Variants in ST7L observed in about 807,000 individuals in gnomAD.
ST7L encodes suppression of tumorigenicity 7 like, also known as suppressor of tumorigenicity 7 protein-like.
A neutral mutation model predicts 72.5 loss-of-function variants in ST7L; 57 were observed. The observed-to-expected ratio is 0.79, with a 90% CI of 0.64 to 0.98. The LOEUF is 0.98. ST7L is among the 50% of genes least tolerant of loss of function. The pLI is 0.00. For synonymous variants in ST7L, 221 were observed against 240.9 expected (o/e 0.92, Z 0.77); for missense variants, 576 against 672.2 (o/e 0.86, Z 1.58).
intron 3 of ST7L, among the ~76,000 whole-genome samples, chr1:112,602,912 G>A (rs12060267): frequency 0.03 from 4,587 of 151,776 alleles, 254 homozygotes; most frequent in African/African-American, 0.1. Context: ...TAGAGACGGG[G>A]TTTCGCCATC....
At chr1:112,573,677 A>G (rs1364539435) in intron 11 of ST7L, among the ~76,000 whole-genome samples, 4 of 152,036 alleles carry the variant, frequency 2.6e-5, no homozygotes, top group African/African-American at 9.7e-5. Flanking sequence ...AAATAATTCT[A>G]ATTTTATACA....
chr1:112,574,638 G>A (rs577149894), intron 11 of ST7L, among the ~76,000 whole-genome samples: 22 of 148,706 alleles, frequency 1.5e-4, no homozygotes, highest in Middle Eastern at 3.4e-3. Context: ...CAGCCTGGGC[G>A]ACAGAACAAG....
intron 3 of ST7L, among the ~76,000 whole-genome samples, chr1:112,602,083 C>CAAAAAAA (rs71584754): frequency 1.1e-5 from 1 of 89,030 alleles, no homozygotes; most frequent in Non-Finnish European, 2.3e-5. Context: ...AAACTCCATC[C>CAAAAAAA]AAAAAAAAAA....
intron 14 of ST7L, among the ~76,000 whole-genome samples, chr1:112,530,645 C>A (rs1428863742): frequency 6.6e-6 from 1 of 152,148 alleles, no homozygotes; most frequent in Non-Finnish European, 1.5e-5. Context: ...AAACTCCTGA[C>A]CTCAGATGAT....
At chr1:112,541,743 T>A (rs988901498) in intron 14 of ST7L, 4 of 1,234,590 alleles carry the variant, frequency 3.2e-6, no homozygotes, top group African/African-American at 3.1e-5. Context: ...TCTTATATTG[T>A]ATTCTTTAAA....
intron 5 of ST7L, among the ~76,000 whole-genome samples, chr1:112,596,790 A>G (rs1383640201): frequency 2.0e-5 from 3 of 152,038 alleles, no homozygotes; most frequent in South Asian, 2.1e-4. Context: ...GGCACCCACC[A>G]TCATGCCCAG....
chr1:112,557,700 T>G (rs1437262717), intron 11 of ST7L, among the ~76,000 whole-genome samples: 1 of 152,158 alleles, frequency 6.6e-6, no homozygotes, highest in Non-Finnish European at 1.5e-5. Context: ...GGATTTGACT[T>G]GATATTTACA....
intron 12 of ST7L, among the ~76,000 whole-genome samples, chr1:112,553,127 T>C (rs961389165): frequency 2.6e-5 from 4 of 152,092 alleles, no homozygotes; most frequent in African/African-American, 9.7e-5. Context: ...ATATCTGCTT[T>C]TGAGGAGCTT....
At position 112,559,191 on chromosome 1, in the gene ST7L, T is replaced by C. The variant is rs575218723; in HGVS notation, c.1246-3173A>G. On this transcript the variant is annotated intron_variant, in intron 11 of 14. Transcript: ENST00000358039. ...TAAGCAAAGATATTCAGTTAACAAT[T>C]ATTAAGTAAAGCTTATATTACAAAA... Among the ~76,000 whole-genome samples, 23 of 152,356 alleles carry C rather than the reference T, an allele frequency of 1.5e-4. No individual in the cohort carries two copies. The East Asian group carries it at 4.0e-3, about 27-fold the overall frequency.
intron 9 of ST7L, among the ~76,000 whole-genome samples, chr1:112,579,107 G>A (rs1663638495): frequency 1.3e-5 from 2 of 151,530 alleles, no homozygotes; most frequent in Admixed American, 6.6e-5. Context: ...GCTTATGGAC[G>A]GGCGTGGTGG....
intron 5 of ST7L, among the ~76,000 whole-genome samples, chr1:112,594,357 T>C (rs529822192): frequency 1.3e-5 from 2 of 152,236 alleles, no homozygotes; most frequent in Non-Finnish European, 2.9e-5. Context: ...CATCCTATAA[T>C]AGTATTGCTG....
intron 6 of ST7L, among the ~76,000 whole-genome samples, chr1:112,588,834 C>T (rs1339990325): frequency 3.3e-5 from 5 of 152,128 alleles, no homozygotes; most frequent in Middle Eastern, 6.8e-3. Context: ...TTCTTTCTGC[C>T]CTTTTCTCTC....
At chr1:112,587,960 GATTT>G (rs1242686187) in intron 6 of ST7L, among the ~76,000 whole-genome samples, 3 of 152,218 alleles carry the variant, frequency 2.0e-5, no homozygotes, top group African/African-American at 4.8e-5. Flanking sequence ...GATGTCTTTT[GATTT>G]ATTTATTTAA....
At chr1:112,594,763 A>C (rs1269015473) in intron 5 of ST7L, among the ~76,000 whole-genome samples, 7 of 152,216 alleles carry the variant, frequency 4.6e-5, no homozygotes, top group Non-Finnish European at 7.3e-5. Context: ...GATTTCGTTG[A>C]TAGAACTGAC....
chr1:112,551,138 CTTTTTTTTTTTTTTTT>C (rs567601091), intron 12 of ST7L, among the ~76,000 whole-genome samples: 8 of 77,208 alleles, frequency 1.0e-4, no homozygotes, highest in South Asian at 4.4e-4. Context: ...ATGAGCAGAT[CTTTTTTTTTTTTTTTT>C]TTTTTTTTTT....
intron 9 of ST7L, among the ~76,000 whole-genome samples, chr1:112,580,963 T>C (rs1289611994): frequency 2.0e-5 from 3 of 152,102 alleles, no homozygotes; most frequent in Non-Finnish European, 4.4e-5. Context: ...ATATATTGAA[T>C]TGTTACCATG....
At chr1:112,591,940 A>T (rs1448090731) in intron 5 of ST7L, among the ~76,000 whole-genome samples, 1 of 152,156 alleles carries the variant, frequency 6.6e-6, no homozygotes, top group Admixed American at 6.5e-5. Context: ...AATCAATATG[A>T]AATATTACAG....
chr1:112,579,551 C>G (rs1029571003), intron 9 of ST7L, among the ~76,000 whole-genome samples: 2 of 151,494 alleles, frequency 1.3e-5, no homozygotes, highest in Non-Finnish European at 2.9e-5. Flanking sequence ...TTGATTCAAC[C>G]GAGGGTGATA....
chr1:112,574,455 C>T (rs186753814), intron 11 of ST7L, among the ~76,000 whole-genome samples: 169 of 151,754 alleles, frequency 1.1e-3, no homozygotes, highest in African/African-American at 3.3e-3. Context: ...GTCAGGAGAT[C>T]GAGACCATCC....
Sources: gnomAD v4.1 joint callset for allele counts (sites outside exome capture counted in the v4.1 genomes callset) on GRCh38, gnomAD v4.1.1 for gene constraint, MANE v1.5 for transcripts, NCBI Gene and HGNC (gene_info 2026-07-23, HGNC 2026-07-21) for gene names.